The following CDH8 variants were observed in gnomAD, a reference collection of about 807,000 sequenced individuals.
CDH8 encodes the protein cadherin 8, also known as cadherin-8.
Under a neutral mutation model 68.1 loss-of-function variants are expected in CDH8, and 17 were observed. The observed-to-expected ratio is 0.25, with a 90% CI of 0.17 to 0.37. The LOEUF is 0.37. Ranked by LOEUF, CDH8 falls within the 10% of genes least tolerant of loss-of-function variation. The pLI is 1.00. For synonymous variants in CDH8, 372 were observed against 365.1 expected (o/e 1.02, Z -0.21); for missense variants, 763 against 999.3 (o/e 0.76, Z 3.19).
chr16:61,870,535 A>T (rs2143043159), intron 3 of CDH8, among the ~76,000 whole-genome samples: 1 of 152,328 alleles, frequency 6.6e-6, no homozygotes, highest in East Asian at 1.9e-4. Flanking sequence ...AGAAATCAGG[A>T]TAATCAGTAA....
At chr16:61,825,886 G>A (rs1006023838) in intron 4 of CDH8, among the ~76,000 whole-genome samples, 42 of 151,778 alleles carry the variant, frequency 2.8e-4, no homozygotes, top group Admixed American at 3.9e-4. Flanking sequence ...AAATCTTAAT[G>A]TTTTTTCTTC....
Position 61,858,552 on chromosome 16 carries a change from G to A in CDH8, c.548-1314C>T, listed in dbSNP as rs75366907. ...TGGGTGAGTGAATAAATTATCTGACGATTTAATGAGAAACAGCAGGCAGGT... is the reference window on the plus strand; with the variant it reads ...TGGGTGAGTGAATAAATTATCTGACAATTTAATGAGAAACAGCAGGCAGGT... On this transcript the variant is annotated intron_variant, in intron 3 of 11. Transcript: ENST00000577390. Among the ~76,000 whole-genome samples, 1,438 of 152,268 alleles carry A rather than the reference G, an allele frequency of 9.4e-3. 21 individuals carry two copies. The highest frequency in any genetic ancestry group is 0.031 in the African/African-American group (1,307 of 41,542).
At chr16:61,778,890 T>A (rs1355870955) in intron 8 of CDH8, among the ~76,000 whole-genome samples, 1 of 152,178 alleles carries the variant, frequency 6.6e-6, no homozygotes, top group Non-Finnish European at 1.5e-5. Context: ...AAAGCAATTA[T>A]TCTGGCAACT....
At chr16:61,970,479 C>T (rs567125458) in intron 2 of CDH8, among the ~76,000 whole-genome samples, 18 of 151,982 alleles carry the variant, frequency 1.2e-4, no homozygotes, top group South Asian at 4.2e-4. Context: ...TTACATTGTA[C>T]GCCTTAAAAA....
chr16:61,654,183 G>T, intron 11 of CDH8, 82 bp from the exon 12 acceptor site: 2 of 1,316,000 alleles, frequency 1.5e-6, no homozygotes, highest in Non-Finnish European at 2.1e-6. Flanking sequence ...TAGGAGAGAG[G>T]GGTATTTTTA....
intron 2 of CDH8, among the ~76,000 whole-genome samples, chr16:61,958,673 T>G (rs527446645): frequency 6.6e-6 from 1 of 152,186 alleles, no homozygotes; most frequent in Admixed American, 6.5e-5. Flanking sequence ...TTCAGAATTA[T>G]TTTATGAAGT....
chr16:62,016,109 A>G (rs1901933909), intron 2 of CDH8, among the ~76,000 whole-genome samples: 1 of 152,164 alleles, frequency 6.6e-6, no homozygotes, highest in African/African-American at 2.4e-5. Flanking sequence ...GTTAATGCAT[A>G]TCAGCTTCCA....
intron 4 of CDH8, among the ~76,000 whole-genome samples, chr16:61,847,070 C>T (rs2143010612): frequency 6.6e-6 from 1 of 152,156 alleles, no homozygotes; most frequent in East Asian, 1.9e-4. Context: ...TTTTTGAAAT[C>T]CAGCATCTCC....
At chr16:61,811,696 C>G (rs1380270792) in intron 7 of CDH8, among the ~76,000 whole-genome samples, 3 of 152,134 alleles carry the variant, frequency 2.0e-5, no homozygotes, top group Non-Finnish European at 4.4e-5. Context: ...GACATTGAAA[C>G]ACTATTCAAT....
At chr16:61,903,566 C>T (rs1964015893) in intron 2 of CDH8, among the ~76,000 whole-genome samples, 2 of 152,356 alleles carry the variant, frequency 1.3e-5, no homozygotes, top group South Asian at 4.1e-4. Flanking sequence ...CCACCTCGGC[C>T]TCCCAAAGTG....
intron 2 of CDH8, among the ~76,000 whole-genome samples, chr16:61,989,264 T>C (rs1341121480): frequency 6.6e-6 from 1 of 152,212 alleles, no homozygotes. Flanking sequence ...TTTTGGTACA[T>C]TGTTATTTTT....
chr16:62,019,161 C>A (rs566311679), intron 2 of CDH8, among the ~76,000 whole-genome samples: 1 of 152,152 alleles, frequency 6.6e-6, no homozygotes, highest in African/African-American at 2.4e-5. Context: ...GGTATAAGAA[C>A]GCCTTGCCTT....
chr16:61,848,867 A>T (rs1028462772), intron 4 of CDH8, among the ~76,000 whole-genome samples: 1 of 152,130 alleles, frequency 6.6e-6, no homozygotes, highest in African/African-American at 2.4e-5. Context: ...CAACGTATTA[A>T]TTCATTAATT....
At chr16:62,019,372 T>C (rs1343206369) in intron 2 of CDH8, among the ~76,000 whole-genome samples, 1 of 152,214 alleles carries the variant, frequency 6.6e-6, no homozygotes, top group Non-Finnish European at 1.5e-5. Context: ...TTACCAGCTC[T>C]GTGATCTTGG....
chr16:61,946,179 T>C (rs1425617257), intron 2 of CDH8, among the ~76,000 whole-genome samples: 7 of 151,682 alleles, frequency 4.6e-5, no homozygotes, highest in Admixed American at 4.6e-4. Flanking sequence ...TGAAACACAC[T>C]CATGGCCAAA....
chr16:61,863,352 G>A (rs1033827995), intron 3 of CDH8, among the ~76,000 whole-genome samples: 4 of 152,092 alleles, frequency 2.6e-5, no homozygotes, highest in African/African-American at 7.2e-5. Context: ...AAAAACTACA[G>A]GCAAAATTAA....
intron 8 of CDH8, among the ~76,000 whole-genome samples, chr16:61,760,128 C>T (rs886829556): frequency 2.6e-5 from 4 of 151,994 alleles, no homozygotes; most frequent in African/African-American, 9.7e-5. Flanking sequence ...CTGTGTAAAC[C>T]CACCCCAGTT....
intron 2 of CDH8, among the ~76,000 whole-genome samples, chr16:62,018,616 T>C (rs1257995883): frequency 2.0e-5 from 3 of 152,212 alleles, no homozygotes; most frequent in Admixed American, 2.0e-4. Context: ...AAGGCTACAC[T>C]GTCATAATTC....
chr16:61,783,784 A>G (rs929081730), intron 8 of CDH8, among the ~76,000 whole-genome samples: 4 of 152,236 alleles, frequency 2.6e-5, no homozygotes, highest in African/African-American at 7.2e-5. Context: ...CCAATATTCA[A>G]CATTCTTAAA....
Sources: gnomAD v4.1 joint callset for allele counts (sites outside exome capture counted in the v4.1 genomes callset) on GRCh38, gnomAD v4.1.1 for gene constraint, MANE v1.5 for transcripts, NCBI Gene and HGNC (gene_info 2026-07-23, HGNC 2026-07-21) for gene names.